Variants in CHST11 observed in about 807,000 individuals in gnomAD.
The protein encoded by CHST11 is C4S-1.
Under a neutral mutation model 30.4 loss-of-function variants are expected in CHST11, and 9 were observed. That is an observed-to-expected ratio of 0.30 (90% CI 0.18 to 0.52). The LOEUF is 0.52. Ranked by LOEUF, CHST11 falls within the 20% of genes least tolerant of loss-of-function variation. CHST11 has a pLI of 0.97. For missense variants in CHST11, 348 were observed against 460.6 expected (o/e 0.76, Z 2.24); for synonymous variants, 152 against 187.8 (o/e 0.81, Z 1.56).
chr12:104,549,561 G>A (rs1277760300), intron 1 of CHST11, among the ~76,000 whole-genome samples: 1 of 152,168 alleles, frequency 6.6e-6, no homozygotes, highest in Non-Finnish European at 1.5e-5. Flanking sequence ...GAGGTCCAGT[G>A]TGGGAAAACA....
intron 2 of CHST11, among the ~76,000 whole-genome samples, chr12:104,662,728 T>A (rs181272498): frequency 1.3e-5 from 2 of 152,350 alleles, no homozygotes; most frequent in Admixed American, 1.3e-4. Context: ...TGATATGGAA[T>A]GTTTATTTAA....
At position 104,726,852 on chromosome 12, in the gene CHST11, G is replaced by A. The variant is rs145593626; in HGVS notation, c.205-30097G>A. Among the ~76,000 whole-genome samples the A allele has an allele frequency of 9.2e-5, 14 of 152,290 alleles. No homozygotes were observed. In the East Asian group the frequency reaches 2.5e-3, roughly 27 times the overall value. On this transcript the variant is annotated intron_variant, in intron 2 of 2. Transcript: ENST00000303694. ...ACCCATAGCAAGATCTGATATATCT[G>A]AACAATCTCATCTATCTTACAGAAT...
rs370232475 is a variant in CHST11 at position 104,656,793 on chromosome 12, A to C, written c.204+54802A>C. ...CAGAGACAGTGGAGGAGAAAGGAAGACCAAATCCTTATTTTTTTTGTTGCT... is the reference window on the plus strand; with the variant it reads ...CAGAGACAGTGGAGGAGAAAGGAAGCCCAAATCCTTATTTTTTTTGTTGCT... On this transcript the variant is annotated intron_variant, in intron 2 of 2. Transcript: ENST00000303694. Among the ~76,000 whole-genome samples, 5 of 152,176 alleles carry C rather than the reference A, an allele frequency of 3.3e-5. No individual in the cohort carries two copies. In the East Asian group the frequency reaches 5.8e-4, roughly 18 times the overall value.
In CHST11 at chr12:104,518,774, C is replaced by T. The variant is rs536438692; in HGVS notation, c.118+61245C>T. Among the ~76,000 whole-genome samples the T allele has an allele frequency of 2.6e-5, 4 of 152,182 alleles. No homozygotes were observed. The South Asian group carries it at 8.3e-4, about 32-fold the overall frequency. Reference sequence around the variant, plus strand: ...CAAGCTGCATAATGAATATAGCATCCTTTAGCTGGGGATGTTGGGAGGATT... The same window carrying T: ...CAAGCTGCATAATGAATATAGCATCTTTTAGCTGGGGATGTTGGGAGGATT... On this transcript the variant is annotated intron_variant, in intron 1 of 2. Coordinates refer to ENST00000303694, the MANE Select transcript of CHST11 (RefSeq NM_018413.6).
At chr12:104,632,244 G>A (rs1046798322) in intron 2 of CHST11, among the ~76,000 whole-genome samples, 6 of 152,000 alleles carry the variant, frequency 3.9e-5, no homozygotes, top group African/African-American at 1.2e-4. Flanking sequence ...GAAGGATGGG[G>A]CACCACTTCA....
At chr12:104,549,029 A>T (rs1295814007) in intron 1 of CHST11, among the ~76,000 whole-genome samples, 1 of 152,200 alleles carries the variant, frequency 6.6e-6, no homozygotes, top group African/African-American at 2.4e-5. Flanking sequence ...TGGTTTTCTA[A>T]ACCAAACAGA....
rs374980790 is a variant in CHST11, at chr12:104,457,440, G to C, written c.29G>C (p.Arg10Thr). ...AAGCCAGCGCTGCTGGAAGTGATGA[G>C]GATGAACAGAATCTGCCGGATGGTG... is the stretch of plus-strand genomic sequence containing the variant. The part of the protein sequence containing the change: MKPALLEVM[R>T]MNRICRMVLA... Residue 10 changes from arginine (R) to threonine (T), a missense_variant, in exon 1 of 3, where the codon AGG (arginine) becomes ACG (threonine). Around this residue, in one of 3 missense-constraint regions of CHST11, gnomAD observed 135 missense variants for 155.8 expected, o/e 0.87. Transcript: ENST00000303694. 14 of 1,614,128 alleles carry C rather than the reference G, an allele frequency of 8.7e-6. No homozygotes were observed. The highest frequency in any genetic ancestry group is 1.2e-5 in the Non-Finnish European group (14 of 1,179,938).
intron 1 of CHST11, among the ~76,000 whole-genome samples, chr12:104,485,099 A>AT (rs2037663781): frequency 1.3e-5 from 2 of 152,048 alleles, no homozygotes. Flanking sequence ...CCTTGGGAAT[A>AT]TTTTTTGGAA....
At chr12:104,645,783 A>T (rs2039423015) in intron 2 of CHST11, among the ~76,000 whole-genome samples, 1 of 152,132 alleles carries the variant, frequency 6.6e-6, no homozygotes, top group African/African-American at 2.4e-5. Flanking sequence ...AACAAGAAAA[A>T]ACAACAGCAC....
At chr12:104,756,792 C>T (rs2040479718) in intron 2 of CHST11, among the ~76,000 whole-genome samples, 157 bp from the exon 3 acceptor site, 1 of 152,168 alleles carries the variant, frequency 6.6e-6, no homozygotes, top group Admixed American at 6.5e-5. Context: ...AGCGATCCTC[C>T]TGCCTCAGCT....
Position 104,484,969 on chromosome 12 carries a change from C to T in CHST11, c.118+27440C>T, listed in dbSNP as rs561978391. On this transcript the variant is annotated intron_variant, in intron 1 of 2. Coordinates refer to ENST00000303694, the MANE Select transcript of CHST11 (RefSeq NM_018413.6). The stretch of plus-strand genomic sequence containing the variant: ...AGGGGCTTACACACACGGGTGCCGT[C>T]TGGGGAGTTAAATTCTCTGGACTGT... Among the ~76,000 whole-genome samples, 308 of 152,306 alleles carry T rather than the reference C, an allele frequency of 2.0e-3. 1 individual carries two copies. The highest frequency in any genetic ancestry group is 3.6e-3 in the Non-Finnish European group (244 of 68,020).
chr12:104,693,831 G>A (rs2136109130), intron 2 of CHST11, among the ~76,000 whole-genome samples: 1 of 152,236 alleles, frequency 6.6e-6, no homozygotes, highest in Admixed American at 6.5e-5. Flanking sequence ...TTAGGCCTCT[G>A]GGCTCGGGCA....
At chr12:104,670,200 G>A (rs943687233) in intron 2 of CHST11, among the ~76,000 whole-genome samples, 2 of 152,174 alleles carry the variant, frequency 1.3e-5, no homozygotes, top group Non-Finnish European at 2.9e-5. Context: ...TCTGGTGAGA[G>A]CAGCCCACAG....
intron 1 of CHST11, among the ~76,000 whole-genome samples, chr12:104,544,682 G>A (rs1458736739): frequency 6.9e-6 from 1 of 143,950 alleles, no homozygotes; most frequent in Non-Finnish European, 1.5e-5. Context: ...ACTCCAGCCT[G>A]GGTGACAGAG....
Position 104,651,275 on chromosome 12 carries a change from T to C in CHST11, c.204+49284T>C, listed in dbSNP as rs182806550. The stretch of plus-strand genomic sequence containing the variant: ...AATTTGGCATCAGTTCACATGAAGA[T>C]GATCTGTGGCTTCTCCCTGAAAAAG... On this transcript the variant is annotated intron_variant, in intron 2 of 2. Transcript: ENST00000303694. Among the ~76,000 whole-genome samples, 602 of 152,374 alleles carry C rather than the reference T, an allele frequency of 4.0e-3. 6 individuals carry two copies. The highest frequency in any genetic ancestry group is 6.0e-3 in the Non-Finnish European group (410 of 68,044).
rs1020925828 is a variant in CHST11, at chr12:104,729,148, A to G, written c.205-27801A>G. Among the ~76,000 whole-genome samples the G allele has an allele frequency of 2.6e-5, 4 of 152,204 alleles. No individual in the cohort carries two copies. Among genetic ancestry groups the G allele is most frequent in the Admixed American group, 2.6e-4 (4 of 15,278 alleles). Reference sequence around the variant, plus strand: ...ACAGCAAGCAGGAAACAAAAGAGACAGAAAAAACACAGAGGCCAAGATGAG... The same window carrying G: ...ACAGCAAGCAGGAAACAAAAGAGACGGAAAAAACACAGAGGCCAAGATGAG... On this transcript the variant is annotated intron_variant, in intron 2 of 2. Transcript: ENST00000303694. This position sits in a 1 kb window ranked among gnomAD's most constrained non-coding sequence, Gnocchi z 4.0.
rs1593942377 is a variant in CHST11, at chr12:104,457,159, A to G, written c.-253A>G. On this transcript the variant is annotated 5_prime_UTR_variant, in exon 1 of 3. Coordinates refer to ENST00000303694, the MANE Select transcript of CHST11 (RefSeq NM_018413.6). ...GATCGGAGGAGGCGGCGGAGCGGCG[A>G]GGAGGAGGAGCAGGAGCGCGCAGCC... The G allele has an allele frequency of 6.5e-6, 2 of 305,438 alleles. No homozygotes were observed. Among genetic ancestry groups the G allele is most frequent in the East Asian group, 1.0e-4 (2 of 19,510 alleles). 18.9% of individuals were successfully genotyped at this position (305,438 alleles called of 1,614,324 possible).
chr12:104,659,443 C>A (rs1592822482), intron 2 of CHST11, among the ~76,000 whole-genome samples: 1 of 152,326 alleles, frequency 6.6e-6, no homozygotes, highest in East Asian at 1.9e-4. Context: ...TCCATCCCCA[C>A]AGTGCAGAGC....
intron 1 of CHST11, among the ~76,000 whole-genome samples, chr12:104,500,356 G>T (rs1258763601): frequency 6.6e-6 from 1 of 152,098 alleles, no homozygotes; most frequent in Non-Finnish European, 1.5e-5. Context: ...ATTAGTCCCA[G>T]CTTGGCGATG....
Sources: allele counts gnomAD v4.1 joint callset (sites outside exome capture counted in the v4.1 genomes callset), GRCh38; gene constraint gnomAD v4.1.1; regional missense constraint gnomAD v4.1.1; non-coding constraint Gnocchi (gnomAD v3.1); transcripts MANE v1.5; gene names NCBI Gene and HGNC (gene_info 2026-07-23, HGNC 2026-07-21).